DOCK1: variants seen among roughly 807,000 people sequenced by gnomAD.
The protein encoded by DOCK1 is dedicator of cytokinesis 1, also known as dedicator of cytokinesis protein 1.
Under a neutral mutation model 262.7 loss-of-function variants are expected in DOCK1, and 138 were observed. The ratio of observed to expected loss-of-function variants is 0.53; its 90% CI spans 0.46 to 0.61. The LOEUF is 0.61. DOCK1 is among the 20% of genes least tolerant of loss of function. The pLI, the probability that DOCK1 is intolerant of heterozygous loss-of-function variation, is 0.00. For synonymous variants in DOCK1, 866 were observed against 867.4 expected (o/e 1.00, Z 0.03); for missense variants, 1,908 against 2,370.7 (o/e 0.80, Z 4.05).
rs189776424 is a variant in DOCK1 at position 127,249,657 on chromosome 10, T to C, written c.2949+1548T>C. Among the ~76,000 whole-genome samples the C allele has an allele frequency of 1.5e-3, 226 of 152,338 alleles. 1 individual carries two copies. Among genetic ancestry groups the C allele is most frequent in the African/African-American group, 5.2e-3 (217 of 41,574 alleles). ...TGACTGCACTGAATACTATAGGCAG[T>C]TGTAATACAATGGCTATGATGTCAC... On this transcript the variant is annotated intron_variant, in intron 28 of 51. Coordinates refer to ENST00000623213, the MANE Select transcript of DOCK1 (RefSeq NM_001290223.2).
At chr10:127,267,566 C>CT (rs2060407226) in intron 29 of DOCK1, among the ~76,000 whole-genome samples, 1 of 152,172 alleles carries the variant, frequency 6.6e-6, no homozygotes, top group South Asian at 2.1e-4. Context: ...GGGAAGCTTG[C>CT]TTTAAAGGAA....
intron 1 of DOCK1, among the ~76,000 whole-genome samples, chr10:126,963,640 CTCCTTCCTTCCTTCCT>C (rs1229446126): frequency 1.5e-5 from 1 of 65,098 alleles, no homozygotes; most frequent in Non-Finnish European, 2.8e-5. Context: ...CTTCCCTTCC[CTCCTTCCTTCCTTCCT>C]TCCTTCCTTC....
At chr10:127,168,295 C>T (rs116141249) in intron 27 of DOCK1, among the ~76,000 whole-genome samples, 95 of 152,324 alleles carry the variant, frequency 6.2e-4, no homozygotes, top group African/African-American at 2.2e-3. Flanking sequence ...TGGAGAGAGA[C>T]ATCGAAACTG....
intron 1 of DOCK1, among the ~76,000 whole-genome samples, chr10:126,939,408 T>G (rs2034824153): frequency 6.6e-6 from 1 of 152,380 alleles, no homozygotes; most frequent in African/African-American, 2.4e-5. Flanking sequence ...GTTTTGGCTA[T>G]TCAGGGTCCT....
chr10:127,238,307 A>G (rs1402473647), intron 27 of DOCK1, among the ~76,000 whole-genome samples: 1 of 152,196 alleles, frequency 6.6e-6, no homozygotes, highest in Admixed American at 6.5e-5. Context: ...CTGTGTGCTT[A>G]GCATTCTACC....
At chr10:127,102,761 A>G (rs1227982747) in intron 23 of DOCK1, among the ~76,000 whole-genome samples, 1 of 152,140 alleles carries the variant, frequency 6.6e-6, no homozygotes, top group Non-Finnish European at 1.5e-5. Flanking sequence ...AATCACGTGA[A>G]CCCGGGGGGT....
At chr10:127,157,755 A>G (rs949704645) in intron 27 of DOCK1, among the ~76,000 whole-genome samples, 4 of 152,200 alleles carry the variant, frequency 2.6e-5, no homozygotes, top group African/African-American at 7.2e-5. Context: ...TTAGGACTTC[A>G]TTACCATGAA....
intron 2 of DOCK1, among the ~76,000 whole-genome samples, chr10:126,976,678 C>T (rs868734667): frequency 2.6e-5 from 4 of 152,094 alleles, no homozygotes; most frequent in Middle Eastern, 3.4e-3. Context: ...TCCAAGTGCC[C>T]TCTGTCACTC....
chr10:126,942,785 A>T (rs1342775140), intron 1 of DOCK1, among the ~76,000 whole-genome samples: 7 of 152,186 alleles, frequency 4.6e-5, no homozygotes, highest in Non-Finnish European at 8.8e-5. Context: ...ATAGCTGATG[A>T]TTCCTCTGGA....
intron 40 of DOCK1, among the ~76,000 whole-genome samples, chr10:127,407,834 C>T (rs920001544): frequency 6.6e-6 from 1 of 151,952 alleles, no homozygotes; most frequent in African/African-American, 2.4e-5. Flanking sequence ...AAAGTGTTAC[C>T]CCCCCAACCC....
chr10:127,294,659 T>C (rs1590314928), intron 29 of DOCK1, among the ~76,000 whole-genome samples: 1 of 150,402 alleles, frequency 6.6e-6, no homozygotes, highest in Non-Finnish European at 1.5e-5. Flanking sequence ...TATTTTTTTT[T>C]TTTTTTTAAG....
intron 8 of DOCK1, among the ~76,000 whole-genome samples, chr10:126,998,906 T>A (rs2040397331): frequency 6.6e-6 from 1 of 152,244 alleles, no homozygotes; most frequent in Admixed American, 6.5e-5. Context: ...AAACTTAGTG[T>A]ATGAATGATA....
chr10:127,405,050 T>C (rs1481704363), intron 40 of DOCK1, among the ~76,000 whole-genome samples: 1 of 152,262 alleles, frequency 6.6e-6, no homozygotes, highest in African/African-American at 2.4e-5. Context: ...GGCTGAATGG[T>C]ATTTCATTGC....
intron 29 of DOCK1, among the ~76,000 whole-genome samples, chr10:127,296,259 A>C (rs1245934040): frequency 8.5e-5 from 13 of 152,226 alleles, no homozygotes; most frequent in Non-Finnish European, 1.6e-4. Context: ...GCAACAAAGC[A>C]TCACAGTTAC....
intron 29 of DOCK1, among the ~76,000 whole-genome samples, chr10:127,270,978 A>T (rs1459978939): frequency 7.8e-5 from 11 of 140,974 alleles, no homozygotes. Context: ...TCTATGCTTA[A>T]CAAAAGTTAT....
chr10:127,017,737 G>A (rs1431142210), intron 12 of DOCK1, among the ~76,000 whole-genome samples: 1 of 152,212 alleles, frequency 6.6e-6, no homozygotes, highest in East Asian at 1.9e-4. Flanking sequence ...CCCCCCTGAG[G>A]CCTCAGGGAC....
At chr10:127,274,573 G>T (rs1187565365) in intron 29 of DOCK1, among the ~76,000 whole-genome samples, 2 of 152,088 alleles carry the variant, frequency 1.3e-5, no homozygotes, top group Non-Finnish European at 2.9e-5. Context: ...AGAGATTTGG[G>T]GCATGTTTTG....
chr10:127,012,556 G>A lies in DOCK1; in HGVS notation c.1201+182G>A, dbSNP rs1340242. Among the ~76,000 whole-genome samples, 100,256 of 151,834 alleles carry A rather than the reference G, an allele frequency of 0.66. 33,112 individuals carry two copies. The highest frequency in any genetic ancestry group is 0.73 in the Middle Eastern group (214 of 294). ...GTGTACAGTGCATGATGGTTTTCTT[G>A]CCCGTCACCTTTGTGAACATTGCTG... On this transcript the variant is annotated intron_variant, in intron 12 of 51. Transcript: ENST00000623213. This position sits in a 1 kb window ranked among gnomAD's most constrained non-coding sequence, Gnocchi z 4.0.
chr10:127,383,029 T>C (rs1416523678), intron 37 of DOCK1, among the ~76,000 whole-genome samples: 4 of 152,212 alleles, frequency 2.6e-5, no homozygotes, highest in Non-Finnish European at 4.4e-5. Context: ...CTAAATATGT[T>C]TTGATATTAC....
Sources: allele counts gnomAD v4.1 joint callset (sites outside exome capture counted in the v4.1 genomes callset), GRCh38; gene constraint gnomAD v4.1.1; non-coding constraint Gnocchi (gnomAD v3.1); transcripts MANE v1.5; gene names NCBI Gene and HGNC (gene_info 2026-07-23, HGNC 2026-07-21).